PLCB4: variants seen among roughly 807,000 people sequenced by gnomAD.
PLCB4 encodes the protein 1-phosphatidylinositol 4,5-bisphosphate phosphodiesterase beta-4.
A neutral mutation model predicts 178.8 loss-of-function variants in PLCB4; 77 were observed. The observed-to-expected ratio is 0.43, with a 90% CI of 0.36 to 0.52. The LOEUF (loss-of-function observed/expected upper bound fraction) is 0.52. Ranked by LOEUF, PLCB4 falls within the 20% of genes least tolerant of loss-of-function variation. PLCB4 has a pLI of 0.00. For missense variants in PLCB4, 1,024 were observed against 1,453.4 expected, an observed-to-expected ratio of 0.70 and a Z score of 4.80; for synonymous variants, 496 against 490.8, an observed-to-expected ratio of 1.01 and a Z score of -0.14.
intron 2 of PLCB4, among the ~76,000 whole-genome samples, chr20:9,193,926 A>G (rs988165876): frequency 2.6e-5 from 4 of 152,138 alleles, no homozygotes; most frequent in African/African-American, 7.2e-5. Context: ...TCATGATCAG[A>G]ATATTACAGT....
intron 1 of PLCB4, among the ~76,000 whole-genome samples, chr20:9,073,485 A>G (rs1040801433): frequency 3.9e-5 from 6 of 152,210 alleles, no homozygotes; most frequent in Non-Finnish European, 5.9e-5. Context: ...GAAGAGAAAC[A>G]CATGTATTAC....
intron 7 of PLCB4, among the ~76,000 whole-genome samples, chr20:9,343,453 A>G (rs149483085): frequency 3.6e-4 from 55 of 152,286 alleles, no homozygotes; most frequent in African/African-American, 1.3e-3. Flanking sequence ...AAGAGTCAAT[A>G]AAATATTATC....
At chr20:9,383,105 G>T (rs970230501) in intron 13 of PLCB4, among the ~76,000 whole-genome samples, 1 of 152,128 alleles carries the variant, frequency 6.6e-6, no homozygotes, top group African/African-American at 2.4e-5. Flanking sequence ...CACACAGTGG[G>T]ATAGTTTTTA....
intron 2 of PLCB4, among the ~76,000 whole-genome samples, chr20:9,110,672 T>C (rs1284472944): frequency 2.0e-5 from 3 of 152,206 alleles, no homozygotes; most frequent in Non-Finnish European, 2.9e-5. Flanking sequence ...ATAGATGGTC[T>C]ACATGTGGCA....
intron 33 of PLCB4, among the ~76,000 whole-genome samples, chr20:9,453,890 T>A (rs937515593): frequency 1.3e-5 from 2 of 152,198 alleles, no homozygotes; most frequent in Non-Finnish European, 2.9e-5. Context: ...TGTTAACATC[T>A]CACATAATCA....
intron 2 of PLCB4, among the ~76,000 whole-genome samples, chr20:9,200,524 C>T (rs1271504876): frequency 6.6e-6 from 1 of 152,186 alleles, no homozygotes; most frequent in Non-Finnish European, 1.5e-5. Flanking sequence ...AACTACTGCT[C>T]AGAATGTTCT....
At chr20:9,384,069 A>G (rs2037373422) in intron 13 of PLCB4, 132 bp from the exon 14 acceptor site, 1 of 671,534 alleles carries the variant, frequency 1.5e-6, no homozygotes, top group Non-Finnish European at 2.7e-6. Flanking sequence ...CTGACAGATG[A>G]AAGTTCTTGG....
intron 22 of PLCB4, 28 bp downstream of exon 22, chr20:9,408,086 C>T: frequency 6.3e-7 from 1 of 1,576,056 alleles, no homozygotes; most frequent in Non-Finnish European, 8.6e-7. Flanking sequence ...ATGCAGTCGC[C>T]TTTTTTGCTT....
Position 9,437,223 on chromosome 20 carries a change from T to G in PLCB4, c.2764+71T>G, listed in dbSNP as rs6086883. 110,467 of 1,324,050 alleles carry G rather than the reference T, an allele frequency of 0.083. 6,392 individuals carry two copies. Among genetic ancestry groups the G allele is most frequent in the East Asian group, 0.3 (12,809 of 42,654 alleles). The allele number at this position is 1,324,050 out of a possible 1,614,324, so 82.0% of individuals were successfully genotyped here. On this transcript the variant is annotated intron_variant, in intron 30 of 39. Transcript: ENST00000378473. The stretch of plus-strand genomic sequence containing the variant: ...TTACACAGTGTACAATATCTATAGC[T>G]TTAGGAAATATATAAATTCGAAGTT...
chr20:9,084,624 G>T (rs571894768), intron 1 of PLCB4, among the ~76,000 whole-genome samples: 2 of 152,168 alleles, frequency 1.3e-5, no homozygotes, highest in African/African-American at 4.8e-5. Context: ...GAGGTGCTAT[G>T]AATGAGTTAT....
chr20:9,365,556 C>T lies in PLCB4; in HGVS notation c.503+42C>T, dbSNP rs753930696. ...ATCTGCTGTCCGTGTCCCGGGTCAA[C>T]GCTTGTCATCCCAAACCAAAGAGAG... On this transcript the variant is annotated intron_variant, in intron 9 of 39. Coordinates refer to ENST00000378473, the MANE Select transcript of PLCB4 (RefSeq NM_001377142.1). The T allele has an allele frequency of 1.7e-5, 20 of 1,198,472 alleles. 1 individual carries two copies. Among genetic ancestry groups the T allele is most frequent in the South Asian group, 1.1e-4 (9 of 80,004 alleles). 74.2% of individuals were successfully genotyped at this position (1,198,472 alleles called of 1,614,324 possible). A position where few individuals can be genotyped will look rare whatever the true frequency, so the allele number is the denominator to read the frequency against.
chr20:9,236,694 T>C (rs952285313), intron 3 of PLCB4, among the ~76,000 whole-genome samples: 11 of 152,194 alleles, frequency 7.2e-5, no homozygotes, highest in Admixed American at 7.2e-4. Flanking sequence ...TTTGGATTGA[T>C]GGGAGAGGCA....
intron 4 of PLCB4, among the ~76,000 whole-genome samples, chr20:9,310,606 G>C (rs2094821278): frequency 6.6e-6 from 1 of 152,076 alleles, no homozygotes; most frequent in East Asian, 1.9e-4. Flanking sequence ...CAGCTACTTG[G>C]GAGGCTGAGG....
chr20:9,260,540 TA>T, intron 3 of PLCB4, among the ~76,000 whole-genome samples: 1 of 152,258 alleles, frequency 6.6e-6, no homozygotes, highest in East Asian at 1.9e-4. Context: ...TGTTAATTTT[TA>T]AAAGCATGTA....
At chr20:9,392,488 G>A (rs937552883) in intron 17 of PLCB4, among the ~76,000 whole-genome samples, 1 of 152,146 alleles carries the variant, frequency 6.6e-6, no homozygotes, top group African/African-American at 2.4e-5. Context: ...TAGCTGAAGT[G>A]TTTCCATTTG....
At chr20:9,380,285 A>ATT in intron 13 of PLCB4, 123 bp downstream of exon 13, 2 of 520,068 alleles carry the variant, frequency 3.8e-6, no homozygotes, top group Non-Finnish European at 3.5e-6. Context: ...ATTGATGACT[A>ATT]TTTTTTTTTC....
chr20:9,478,071 G>A (rs551062785), intron 39 of PLCB4, among the ~76,000 whole-genome samples: 219 of 152,160 alleles, frequency 1.4e-3, no homozygotes, highest in Non-Finnish European at 2.5e-3. Flanking sequence ...CAAAAGATAC[G>A]TGCATTTGGT....
At chr20:9,124,841 A>C (rs1452713636) in intron 2 of PLCB4, among the ~76,000 whole-genome samples, 1 of 152,074 alleles carries the variant, frequency 6.6e-6, no homozygotes, top group African/African-American at 2.4e-5. Flanking sequence ...TTTGTTTTGC[A>C]GTGTTAGTTG....
intron 3 of PLCB4, among the ~76,000 whole-genome samples, chr20:9,271,437 A>T (rs534167980): frequency 6.6e-6 from 1 of 152,180 alleles, no homozygotes; most frequent in Non-Finnish European, 1.5e-5. Context: ...GGATTTACAT[A>T]GCTCATTCAA....
Sources: gnomAD v4.1 joint callset for allele counts (sites outside exome capture counted in the v4.1 genomes callset) on GRCh38, gnomAD v4.1.1 for gene constraint, MANE v1.5 for transcripts, NCBI Gene and HGNC (gene_info 2026-07-23, HGNC 2026-07-21) for gene names.